GRIK1: variants seen among roughly 807,000 people sequenced by gnomAD.
The protein encoded by GRIK1 is glutamate receptor ionotropic, kainate 1.
Under a neutral mutation model 105.7 loss-of-function variants are expected in GRIK1, and 69 were observed. The ratio of observed to expected loss-of-function variants is 0.65; its 90% CI spans 0.54 to 0.80. The LOEUF is 0.80. Among genes scored for constraint, GRIK1 ranks in the 30% least tolerant of loss-of-function variants. GRIK1 has a pLI of 0.00. For missense variants in GRIK1, 1,109 were observed against 1,167.3 expected (o/e 0.95, Z 0.73); for synonymous variants, 438 against 431.3 (o/e 1.02, Z -0.19).
chr21:29,734,304 C>T (rs75661403), intron 1 of GRIK1, among the ~76,000 whole-genome samples: 16 of 152,304 alleles, frequency 1.1e-4, no homozygotes, highest in Non-Finnish European at 1.9e-4. Flanking sequence ...TCCCACACTA[C>T]AGACAGAGTG....
At chr21:29,747,856 G>A (rs765699269) in intron 1 of GRIK1, among the ~76,000 whole-genome samples, 1 of 152,088 alleles carries the variant, frequency 6.6e-6, no homozygotes, top group Non-Finnish European at 1.5e-5. Context: ...AGCATGAGTA[G>A]TGATTACAGA....
intron 1 of GRIK1, among the ~76,000 whole-genome samples, chr21:29,813,225 A>G (rs762303119): frequency 1.3e-5 from 2 of 152,176 alleles, no homozygotes; most frequent in Non-Finnish European, 2.9e-5. Flanking sequence ...GAAGCATTGT[A>G]AATATTGACT....
intron 13 of GRIK1, among the ~76,000 whole-genome samples, chr21:29,578,854 T>C (rs552692275): frequency 6.6e-6 from 1 of 152,306 alleles, no homozygotes; most frequent in South Asian, 2.1e-4. Flanking sequence ...TTTAGCTCTT[T>C]AGTTGGTTAT....
chr21:29,568,047 G>A (rs1051422984), intron 14 of GRIK1, among the ~76,000 whole-genome samples: 8 of 151,996 alleles, frequency 5.3e-5, no homozygotes, highest in Non-Finnish European at 8.8e-5. Context: ...TCCCTCAGCG[G>A]GATTTAAACA....
intron 16 of GRIK1, among the ~76,000 whole-genome samples, chr21:29,552,749 A>G (rs570296217): frequency 2.0e-5 from 3 of 152,068 alleles, no homozygotes; most frequent in Non-Finnish European, 4.4e-5. Flanking sequence ...GAAGTACTAT[A>G]TAGCTTGAAA....
At chr21:29,649,830 A>G (rs1945241994) in intron 6 of GRIK1, among the ~76,000 whole-genome samples, 1 of 152,202 alleles carries the variant, frequency 6.6e-6, no homozygotes, top group South Asian at 2.1e-4. Context: ...GGTAAAAATG[A>G]TTTGAGATCT....
At chr21:29,749,137 A>AT (rs1352221128) in intron 1 of GRIK1, 2 of 152,190 alleles carry the variant, frequency 1.3e-5, no homozygotes, top group Admixed American at 1.3e-4. Context: ...TCCTAAACAT[A>AT]TTTTTAAGGT....
chr21:29,620,802 T>TATATATATAGATAG (rs1276169939), intron 7 of GRIK1, among the ~76,000 whole-genome samples: 5 of 127,424 alleles, frequency 3.9e-5, no homozygotes, highest in South Asian at 2.3e-4. Flanking sequence ...TCTATATATA[T>TATATATATAGATAG]ATAGATATAT....
At chr21:29,819,865 C>T (rs1355473666) in intron 1 of GRIK1, among the ~76,000 whole-genome samples, 2 of 152,044 alleles carry the variant, frequency 1.3e-5, no homozygotes, top group Non-Finnish European at 2.9e-5. Context: ...TCTCCCACCC[C>T]CACTGCACTT....
At chr21:29,717,023 C>A (rs937275290) in intron 1 of GRIK1, among the ~76,000 whole-genome samples, 7 of 152,208 alleles carry the variant, frequency 4.6e-5, no homozygotes, top group Admixed American at 2.0e-4. Context: ...TAAAAGGGGC[C>A]CAAGTGCAGC....
At chr21:29,878,398 A>G (rs1010843400) in intron 1 of GRIK1, among the ~76,000 whole-genome samples, 1 of 152,102 alleles carries the variant, frequency 6.6e-6, no homozygotes, top group Non-Finnish European at 1.5e-5. Flanking sequence ...GAATGGTGCT[A>G]TGATGGAAGT....
chr21:29,859,207 T>A (rs2068559784), intron 1 of GRIK1, among the ~76,000 whole-genome samples: 1 of 141,418 alleles, frequency 7.1e-6, no homozygotes, highest in Admixed American at 7.3e-5. Flanking sequence ...CACCGGGGCC[T>A]GTTGTGGGGT....
chr21:29,707,596 A>G (rs1348793295), intron 1 of GRIK1, among the ~76,000 whole-genome samples: 2 of 151,630 alleles, frequency 1.3e-5, no homozygotes, highest in Non-Finnish European at 2.9e-5. Flanking sequence ...CCTGGGTTCC[A>G]GTGATTCTCC....
chr21:29,916,135 A>G (rs1287730465), intron 1 of GRIK1, among the ~76,000 whole-genome samples: 1 of 106,702 alleles, frequency 9.4e-6, no homozygotes, highest in East Asian at 2.6e-4. Flanking sequence ...AAACATTACT[A>G]TGAATGCAGT....
intron 1 of GRIK1, among the ~76,000 whole-genome samples, chr21:29,752,515 T>A (rs2065231596): frequency 6.6e-6 from 1 of 152,082 alleles, no homozygotes; most frequent in South Asian, 2.1e-4. Flanking sequence ...TTAACAATAT[T>A]GTACAAAGTA....
chr21:29,672,896 C>A (rs2063185872), intron 4 of GRIK1, 87 bp downstream of exon 4: 2 of 910,902 alleles, frequency 2.2e-6, no homozygotes, highest in Non-Finnish European at 3.4e-6. Context: ...TTTTATTATG[C>A]TGCATTAAGT....
intron 16 of GRIK1, among the ~76,000 whole-genome samples, chr21:29,548,285 G>A (rs1280340107): frequency 1.3e-5 from 2 of 152,136 alleles, no homozygotes; most frequent in Non-Finnish European, 2.9e-5. Context: ...TTGTAATGTT[G>A]ACTTTCTATC....
In GRIK1 at chr21:29,939,857, G is replaced by A. The variant is rs75016300; in HGVS notation, c.-357C>T. On this transcript the variant is annotated 5_prime_UTR_variant, in exon 1 of 18. Transcript: ENST00000327783. ...GGAACGTCTCCCTCATTCGTCCTTT[G>A]GTCAGATGCAAAAGTCGGGGGATAG... 242 of 198,932 alleles carry A rather than the reference G, an allele frequency of 1.2e-3. 3 individuals carry two copies. The East Asian group carries it at 0.029, about 24-fold the overall frequency. 12.3% of individuals were successfully genotyped at this position (198,932 alleles called of 1,614,324 possible).
At chr21:29,742,500 C>T (rs906452146) in intron 1 of GRIK1, among the ~76,000 whole-genome samples, 9 of 152,180 alleles carry the variant, frequency 5.9e-5, no homozygotes, top group South Asian at 2.1e-4. Flanking sequence ...AGCCTAGCTC[C>T]GTCTGAACTC....
Sources: allele counts gnomAD v4.1 joint callset (sites outside exome capture counted in the v4.1 genomes callset), GRCh38; gene constraint gnomAD v4.1.1; transcripts MANE v1.5; gene names NCBI Gene and HGNC (gene_info 2026-07-23, HGNC 2026-07-21).